The following GRID1 variants were observed in gnomAD, a reference collection of about 807,000 sequenced individuals.
GRID1 encodes glutamate ionotropic receptor delta type subunit 1.
In GRID1, 28 loss-of-function variants were observed where a neutral mutation model predicts 98.0. The observed-to-expected ratio is 0.29, with a 90% CI of 0.21 to 0.39. The LOEUF (loss-of-function observed/expected upper bound fraction) is 0.39. Among genes scored for constraint, GRID1 ranks in the 10% least tolerant of loss-of-function variants. The pLI is 1.00. For synonymous variants in GRID1, 553 were observed against 538.5 expected (o/e 1.03, Z -0.37); for missense variants, 1,111 against 1,340.5 (o/e 0.83, Z 2.67).
rs146764846 is a variant in GRID1 at position 85,602,350 on chromosome 10, T to A, written c.2953A>T (p.Ile985Phe). The A allele has an allele frequency of 6.3e-7, 1 of 1,591,022 alleles. No homozygotes were observed. Among genetic ancestry groups the A allele is most frequent in the Non-Finnish European group, 8.6e-7 (1 of 1,166,314 alleles). ...GGCACGGGCTGGAAGGACATGGGGA[T>A]GGGGGTCTTCACCGGGCTCTGCCGG... ...LFRQSPVKTPIPMSFQPVPGG... is the reference protein window; with the variant it reads ...LFRQSPVKTPFPMSFQPVPGG... The change falls in exon 16 of 16, where the codon ATC becomes TTC. Residue 985 changes from isoleucine to phenylalanine, a missense_variant. By Grantham distance (21) the Ile-to-Phe change is conservative. Coordinates refer to ENST00000327946, the MANE Select transcript of GRID1 (RefSeq NM_017551.3).
intron 4 of GRID1, among the ~76,000 whole-genome samples, chr10:85,950,710 C>T (rs185669594): frequency 5.2e-4 from 79 of 152,272 alleles, no homozygotes; most frequent in Non-Finnish European, 2.6e-4. Context: ...AAACTTCCTG[C>T]CAGAGTGATC....
At chr10:85,636,338 G>A (rs746016680) in intron 13 of GRID1, among the ~76,000 whole-genome samples, 1 of 152,130 alleles carries the variant, frequency 6.6e-6, no homozygotes, top group Non-Finnish European at 1.5e-5. Context: ...TAAATGAGTT[G>A]ATGAATAAAT....
intron 8 of GRID1, among the ~76,000 whole-genome samples, chr10:85,828,509 A>G (rs1842839800): frequency 6.6e-6 from 1 of 152,078 alleles, no homozygotes; most frequent in Non-Finnish European, 1.5e-5. Context: ...CCAGGAGTTC[A>G]TTATTTCAAA....
At chr10:85,886,505 C>T (rs2131806794) in intron 5 of GRID1, among the ~76,000 whole-genome samples, 1 of 152,068 alleles carries the variant, frequency 6.6e-6, no homozygotes, top group East Asian at 1.9e-4. Context: ...TCACTGTATC[C>T]AAAACAGCCA....
intron 4 of GRID1, among the ~76,000 whole-genome samples, chr10:85,942,068 A>G (rs1011140413): frequency 6.6e-6 from 1 of 152,070 alleles, no homozygotes; most frequent in Non-Finnish European, 1.5e-5. Flanking sequence ...ATCCCAACTA[A>G]TGGACTCTTA....
At chr10:85,846,940 G>A (rs982147053) in intron 8 of GRID1, among the ~76,000 whole-genome samples, 4 of 152,138 alleles carry the variant, frequency 2.6e-5, no homozygotes, top group Admixed American at 6.5e-5. Context: ...TCTTTCCAGC[G>A]TTCAAGAGCT....
chr10:86,137,009 C>T (rs1332449317), intron 4 of GRID1, among the ~76,000 whole-genome samples: 2 of 152,000 alleles, frequency 1.3e-5, no homozygotes, highest in East Asian at 1.9e-4. Flanking sequence ...AAAGTGGCCA[C>T]CCCAGAGCCT....
chr10:85,606,151 C>G (rs1195963739), intron 15 of GRID1: 1 of 152,208 alleles, frequency 6.6e-6, no homozygotes, highest in Non-Finnish European at 1.5e-5. Flanking sequence ...GTTTATTTTA[C>G]TCACATTTTT....
chr10:86,083,251 A>G (rs1844002557), intron 4 of GRID1, among the ~76,000 whole-genome samples: 1 of 152,198 alleles, frequency 6.6e-6, no homozygotes, highest in African/African-American at 2.4e-5. Context: ...CCTTTCTTAG[A>G]AGGGTACCAG....
intron 8 of GRID1, among the ~76,000 whole-genome samples, chr10:85,743,105 G>GCACC (rs774463906): frequency 1.2e-5 from 1 of 82,670 alleles, no homozygotes; most frequent in Non-Finnish European, 2.4e-5. Context: ...GAATTATGCA[G>GCACC]CCCCCCCCCC....
intron 12 of GRID1, among the ~76,000 whole-genome samples, chr10:85,714,134 C>T (rs376716870): frequency 4.6e-5 from 7 of 151,916 alleles, no homozygotes; most frequent in African/African-American, 9.7e-5. Flanking sequence ...GGCCATTATT[C>T]GAAGCAAACT....
At chr10:85,812,678 G>A (rs1429011128) in intron 8 of GRID1, among the ~76,000 whole-genome samples, 4 of 151,656 alleles carry the variant, frequency 2.6e-5, no homozygotes, top group African/African-American at 9.7e-5. Context: ...AAAGTGTGAG[G>A]TAATGCAGGC....
chr10:86,210,016 G>A (rs759473467), intron 2 of GRID1, among the ~76,000 whole-genome samples: 30 of 152,164 alleles, frequency 2.0e-4, no homozygotes, highest in Admixed American at 8.5e-4. Context: ...CTGTCAGGGG[G>A]AAGAGCAGGA....
At chr10:86,234,624 C>G (rs988145078) in intron 2 of GRID1, among the ~76,000 whole-genome samples, 2 of 152,226 alleles carry the variant, frequency 1.3e-5, no homozygotes, top group Non-Finnish European at 2.9e-5. Context: ...CAAGCCCCCC[C>G]AGGTTGGTGT....
At chr10:85,774,066 T>G (rs1048825075) in intron 8 of GRID1, among the ~76,000 whole-genome samples, 5 of 152,184 alleles carry the variant, frequency 3.3e-5, no homozygotes, top group African/African-American at 1.2e-4. Flanking sequence ...GCTATCTGAC[T>G]TCAAACTATA....
intron 4 of GRID1, among the ~76,000 whole-genome samples, chr10:86,117,025 CCACCAT>C (rs1844592378): frequency 6.6e-6 from 1 of 151,734 alleles, no homozygotes; most frequent in Admixed American, 6.6e-5. Flanking sequence ...ACCAATACTA[CCACCAT>C]CACCATCACC....
chr10:85,686,690 G>T (rs940749458), intron 12 of GRID1, among the ~76,000 whole-genome samples: 1 of 151,732 alleles, frequency 6.6e-6, no homozygotes, highest in African/African-American at 2.4e-5. Flanking sequence ...AAATATCAAA[G>T]ATATTAAGAA....
chr10:85,992,777 C>T (rs962854220), intron 4 of GRID1, among the ~76,000 whole-genome samples: 3 of 151,840 alleles, frequency 2.0e-5, no homozygotes, highest in South Asian at 2.1e-4. Context: ...TAGTGAGACC[C>T]TGTCTCTAAA....
At chr10:85,907,102 GT>G (rs1277046322) in intron 5 of GRID1, among the ~76,000 whole-genome samples, 2 of 152,072 alleles carry the variant, frequency 1.3e-5, no homozygotes, top group Admixed American at 6.6e-5. Flanking sequence ...ATACCTATAA[GT>G]TTTTTTGTTT....
Sources: gnomAD v4.1 joint callset for allele counts (sites outside exome capture counted in the v4.1 genomes callset) on GRCh38, gnomAD v4.1.1 for gene constraint, MANE v1.5 for transcripts, NCBI Gene and HGNC (gene_info 2026-07-23, HGNC 2026-07-21) for gene names.